The following CMIP variants were observed in gnomAD, a reference collection of about 807,000 sequenced individuals.
CMIP encodes c-Maf inducing protein, also known as C-Maf-inducing protein.
CMIP carries 13 observed loss-of-function variants against 97.3 expected under a neutral mutation model. The observed-to-expected ratio is 0.13, with a 90% CI of 0.09 to 0.21. CMIP has a LOEUF of 0.21. Among genes scored for constraint, CMIP ranks in the 10% least tolerant of loss-of-function variants. The pLI is 1.00. For missense variants in CMIP, 847 were observed against 1,024.9 expected, an observed-to-expected ratio of 0.83 and a Z score of 2.37; for synonymous variants, 538 against 436.3, an observed-to-expected ratio of 1.23 and a Z score of -2.91.
chr16:81,625,537 G>C (rs1054043496), intron 3 of CMIP, among the ~76,000 whole-genome samples: 4 of 152,252 alleles, frequency 2.6e-5, no homozygotes, highest in Non-Finnish European at 5.9e-5. Context: ...AGTCTGTGGG[G>C]CAAGGCCAAG....
intron 3 of CMIP, among the ~76,000 whole-genome samples, chr16:81,644,206 C>T (rs1190726054): frequency 3.3e-5 from 5 of 152,222 alleles, no homozygotes; most frequent in Non-Finnish European, 7.3e-5. Flanking sequence ...AATTAGATCA[C>T]AGATGCCCTC....
chr16:81,455,406 T>C (rs1412313497), intron 1 of CMIP, among the ~76,000 whole-genome samples: 1 of 152,238 alleles, frequency 6.6e-6, no homozygotes, highest in Non-Finnish European at 1.5e-5. Flanking sequence ...TTTGGATGAA[T>C]GAACAGCTTG....
intron 10 of CMIP, among the ~76,000 whole-genome samples, chr16:81,686,807 A>T (rs1037552409): frequency 2.0e-5 from 3 of 152,102 alleles, no homozygotes; most frequent in Non-Finnish European, 4.4e-5. Context: ...TCCCGTTTCT[A>T]TGTAAGGCAC....
At chr16:81,636,073 G>A (rs1406570379) in intron 3 of CMIP, among the ~76,000 whole-genome samples, 5 of 129,182 alleles carry the variant, frequency 3.9e-5, no homozygotes, top group African/African-American at 1.2e-4. Flanking sequence ...GGCTGGTTGT[G>A]TGTTTGTGTG....
intron 3 of CMIP, among the ~76,000 whole-genome samples, chr16:81,632,477 C>CA (rs1206598793): frequency 6.6e-6 from 1 of 152,218 alleles, no homozygotes; most frequent in Non-Finnish European, 1.5e-5. Context: ...AAATCCACAC[C>CA]ATTTTCTTTT....
At chr16:81,489,600 A>G (rs529108276) in intron 1 of CMIP, among the ~76,000 whole-genome samples, 2 of 152,294 alleles carry the variant, frequency 1.3e-5, no homozygotes, top group Admixed American at 6.5e-5. Flanking sequence ...CCTGTCACCA[A>G]ACAGACCCAC....
chr16:81,595,245 C>T (rs1209200442), intron 1 of CMIP, among the ~76,000 whole-genome samples: 4 of 152,098 alleles, frequency 2.6e-5, no homozygotes, highest in Admixed American at 1.3e-4. Context: ...CCCATTTCCC[C>T]GTCCCTGCCC....
At chr16:81,466,778 C>T (rs776701232) in intron 1 of CMIP, among the ~76,000 whole-genome samples, 4 of 152,272 alleles carry the variant, frequency 2.6e-5, no homozygotes, top group South Asian at 4.1e-4. Flanking sequence ...TGGGCTGAAC[C>T]GAATTTGTTC....
intron 8 of CMIP, among the ~76,000 whole-genome samples, chr16:81,671,666 G>A (rs947105440): frequency 2.0e-5 from 3 of 152,186 alleles, no homozygotes; most frequent in African/African-American, 7.2e-5. Context: ...TCATTTTATC[G>A]CTGCAGAAAC....
chr16:81,674,466 C>T (rs555087543), intron 9 of CMIP, among the ~76,000 whole-genome samples: 1 of 152,092 alleles, frequency 6.6e-6, no homozygotes, highest in African/African-American at 2.4e-5. Context: ...TGTGCAGGAG[C>T]CAGCTCACAC....
rs193252864 is a variant in CMIP at position 81,538,363 on chromosome 16, G to A, written c.301-69204G>A. Among the ~76,000 whole-genome samples, 309 of 152,306 alleles carry A rather than the reference G, an allele frequency of 2.0e-3. 3 individuals are homozygous for A. The highest frequency in any genetic ancestry group is 0.017 in the Admixed American group (259 of 15,300). On this transcript the variant is annotated intron_variant, in intron 1 of 20. Transcript: ENST00000537098. ...GCATAAACACTGAGAGAAGGCTGCC[G>A]AATTTCACTCTAAGGGGTTGTTGGA... is the stretch of plus-strand genomic sequence containing the variant.
intron 1 of CMIP, among the ~76,000 whole-genome samples, chr16:81,603,956 T>C (rs1308441047): frequency 6.6e-6 from 1 of 152,202 alleles, no homozygotes; most frequent in Non-Finnish European, 1.5e-5. Flanking sequence ...TCTTAACCAG[T>C]AGAGGAAATG....
At chr16:81,633,751 C>T (rs1012305015) in intron 3 of CMIP, among the ~76,000 whole-genome samples, 1 of 152,168 alleles carries the variant, frequency 6.6e-6, no homozygotes, top group Admixed American at 6.5e-5. Flanking sequence ...TTGTTTCCAG[C>T]GGGGGCTGGC....
At chr16:81,701,494 C>T (rs942189568) in intron 15 of CMIP, among the ~76,000 whole-genome samples, 166 bp from the exon 16 acceptor site, 2 of 152,184 alleles carry the variant, frequency 1.3e-5, no homozygotes, top group African/African-American at 2.4e-5. Flanking sequence ...TACCATTGTA[C>T]AAGCAGGAAG....
chr16:81,593,723 C>G (rs752390320), intron 1 of CMIP, among the ~76,000 whole-genome samples: 3 of 152,164 alleles, frequency 2.0e-5, no homozygotes, highest in Admixed American at 6.5e-5. Context: ...TCGCCTCACC[C>G]GGTGCCTGCC....
chr16:81,656,449 C>A (rs564614869), intron 4 of CMIP, among the ~76,000 whole-genome samples: 1 of 152,348 alleles, frequency 6.6e-6, no homozygotes, highest in East Asian at 1.9e-4. Flanking sequence ...ATTGGCACCA[C>A]TGTGTGTCCA....
At chr16:81,484,782 C>T (rs950232359) in intron 1 of CMIP, among the ~76,000 whole-genome samples, 1 of 152,154 alleles carries the variant, frequency 6.6e-6, no homozygotes, top group African/African-American at 2.4e-5. Context: ...GTGGGGTTCA[C>T]TCTACCTTTG....
intron 1 of CMIP, among the ~76,000 whole-genome samples, chr16:81,449,682 T>C (rs1464270972): frequency 6.8e-6 from 1 of 147,288 alleles, no homozygotes; most frequent in Non-Finnish European, 1.5e-5. Context: ...CCCCCCCCCT[T>C]TCCATGCCAT....
intron 1 of CMIP, among the ~76,000 whole-genome samples, chr16:81,530,830 G>T (rs564583355): frequency 1.3e-5 from 2 of 152,138 alleles, no homozygotes; most frequent in South Asian, 2.1e-4. Flanking sequence ...CATTATCTTC[G>T]ATCAGTTCAG....
Sources: allele counts gnomAD v4.1 joint callset (sites outside exome capture counted in the v4.1 genomes callset), GRCh38; gene constraint gnomAD v4.1.1; transcripts MANE v1.5; gene names NCBI Gene and HGNC (gene_info 2026-07-23, HGNC 2026-07-21).